CLMN: variants seen among roughly 807,000 people sequenced by gnomAD.
The protein encoded by CLMN is calmin, also known as calmin (calponin-like, transmembrane).
Under a neutral mutation model 92.7 loss-of-function variants are expected in CLMN, and 57 were observed. The ratio of observed to expected loss-of-function variants is 0.61; its 90% CI spans 0.50 to 0.77. The LOEUF is 0.77. Among genes scored for constraint, CLMN ranks in the 30% least tolerant of loss-of-function variants. CLMN has a pLI of 0.00. For synonymous variants in CLMN, 466 were observed against 470.6 expected (o/e 0.99, Z 0.13); for missense variants, 1,158 against 1,237.5 (o/e 0.94, Z 0.96).
At chr14:95,247,483 G>A (rs559221791) in intron 1 of CLMN, among the ~76,000 whole-genome samples, 2 of 152,186 alleles carry the variant, frequency 1.3e-5, no homozygotes, top group East Asian at 1.9e-4. Flanking sequence ...GCTGGTTGTC[G>A]GATCTCTGCT....
chr14:95,202,967 G>A lies in CLMN; in HGVS notation c.2382C>T (p.Ser794=), dbSNP rs369685023. 8.7e-6 allele frequency: 14 copies of A among 1,614,060 alleles called. No homozygotes were observed. Among genetic ancestry groups the A allele is most frequent in the African/African-American group, 2.7e-5 (2 of 75,038 alleles). ...CCCTGCTGAGATACAGCACCTGGTC[G>A]CTGGCACTGGGGAGGCTCTCTCCTG... ...SVPGESLPSA[S]DQVLYLSRGG... is the part of the protein sequence containing the mutation. The change falls in exon 9 of 13, where the codon AGC becomes AGT. Residue 794 remains serine, a synonymous_variant. Coordinates refer to ENST00000298912, the MANE Select transcript of CLMN (RefSeq NM_024734.4).
chr14:95,194,163 G>C lies in CLMN; in HGVS notation c.2770-244C>G. On this transcript the variant is annotated intron_variant, in intron 11 of 12. Transcript: ENST00000298912. The surrounding 1 kb of genome is among the most constrained non-coding windows in gnomAD (Gnocchi z 4.0). ...CCCGGAACCCGGATTGGGGTGTGCT[G>C]CTCCGGGTTCTAACACATCTGCTAC... 1 of 1,406,904 alleles carries C rather than the reference G, an allele frequency of 7.1e-7. No homozygotes were observed. 87.2% of individuals were successfully genotyped at this position (1,406,904 alleles called of 1,614,324 possible). A position where few individuals can be genotyped will look rare whatever the true frequency, so the allele number is the denominator to read the frequency against.
intron 1 of CLMN, among the ~76,000 whole-genome samples, chr14:95,255,373 A>T (rs1463459727): frequency 6.6e-6 from 1 of 152,184 alleles, no homozygotes; most frequent in Non-Finnish European, 1.5e-5. Flanking sequence ...TCTGAGAGAG[A>T]GGGTGAGAAC....
intron 1 of CLMN, among the ~76,000 whole-genome samples, chr14:95,236,457 G>A (rs1225700383): frequency 1.3e-5 from 2 of 152,204 alleles, no homozygotes; most frequent in African/African-American, 4.8e-5. Context: ...TGGCTCCCAG[G>A]GGACATCCCG....
chr14:95,237,307 T>C (rs149134706), intron 1 of CLMN, among the ~76,000 whole-genome samples: 19 of 152,302 alleles, frequency 1.2e-4, no homozygotes, highest in African/African-American at 4.3e-4. Flanking sequence ...TTTAGACAAG[T>C]AGACCCGGCA....
At chr14:95,219,802 C>CTA (rs1163571892) in intron 4 of CLMN, among the ~76,000 whole-genome samples, 1 of 152,140 alleles carries the variant, frequency 6.6e-6, no homozygotes, top group Non-Finnish European at 1.5e-5. Context: ...TTTTAATGAG[C>CTA]TATAACTCAC....
intron 1 of CLMN, among the ~76,000 whole-genome samples, 192 bp downstream of exon 1, chr14:95,319,515 TGTAA>T (rs1901948535): frequency 6.6e-6 from 1 of 152,102 alleles, no homozygotes; most frequent in Admixed American, 6.5e-5. Context: ...CCTGGGCAAC[TGTAA>T]ACCTGGCCGC....
intron 1 of CLMN, among the ~76,000 whole-genome samples, chr14:95,244,842 A>C (rs145347942): frequency 1.7e-3 from 251 of 151,892 alleles, no homozygotes; most frequent in African/African-American, 5.8e-3. Context: ...TCCCCTTCCA[A>C]TGGGGGCTGC....
At chr14:95,210,919 G>C in intron 6 of CLMN, 40 bp from the exon 7 acceptor site, 1 of 1,482,684 alleles carries the variant, frequency 6.7e-7, no homozygotes, top group Non-Finnish European at 8.9e-7. Flanking sequence ...ATGCTGGTTA[G>C]TAAACAGACT....
At chr14:95,280,614 TAA>T (rs1368888250) in intron 1 of CLMN, among the ~76,000 whole-genome samples, 3 of 152,200 alleles carry the variant, frequency 2.0e-5, no homozygotes, top group African/African-American at 4.8e-5. Context: ...AATTCTAAAT[TAA>T]GTCTTTTTCT....
Position 95,242,279 on chromosome 14 carries a change from G to A in CLMN, c.83-12146C>T, listed in dbSNP as rs548671008. On this transcript the variant is annotated intron_variant, in intron 1 of 12. Transcript: ENST00000298912. ...TTTTTTTTTTTTTTTTTTTTTTTGAGATGGAGTCAGGCTCTGTTGCCCAGG... is the reference window on the plus strand; with the variant it reads ...TTTTTTTTTTTTTTTTTTTTTTTGAAATGGAGTCAGGCTCTGTTGCCCAGG... Among the ~76,000 whole-genome samples the A allele has an allele frequency of 3.0e-3, 259 of 86,304 alleles. 1 individual carries two copies. Among genetic ancestry groups the A allele is most frequent in the African/African-American group, 9.4e-3 (238 of 25,270 alleles). 56.6% of individuals were successfully genotyped at this position (86,304 alleles called of 152,430 possible).
At chr14:95,216,327 G>A (rs1012203915) in intron 4 of CLMN, among the ~76,000 whole-genome samples, 8 of 152,206 alleles carry the variant, frequency 5.3e-5, no homozygotes, top group East Asian at 1.9e-4. Context: ...CCCACGACAC[G>A]TGGGAATTAT....
intron 1 of CLMN, among the ~76,000 whole-genome samples, chr14:95,263,406 A>G (rs1899337244): frequency 6.6e-6 from 1 of 152,160 alleles, no homozygotes; most frequent in Non-Finnish European, 1.5e-5. Flanking sequence ...ACTACAATTC[A>G]AGATGAGATC....
chr14:95,196,858 G>A (rs898680398), intron 9 of CLMN, among the ~76,000 whole-genome samples, 164 bp from the exon 10 acceptor site: 1 of 152,186 alleles, frequency 6.6e-6, no homozygotes, highest in Non-Finnish European at 1.5e-5. Flanking sequence ...GCCTGCATGA[G>A]AGACAAGTCC....
chr14:95,269,297 C>A (rs1338540280), intron 1 of CLMN, among the ~76,000 whole-genome samples: 1 of 152,126 alleles, frequency 6.6e-6, no homozygotes, highest in Non-Finnish European at 1.5e-5. Context: ...ATGATTTCTA[C>A]TGTGTTATAT....
At chr14:95,247,245 AG>A (rs1898608264) in intron 1 of CLMN, among the ~76,000 whole-genome samples, 1 of 152,250 alleles carries the variant, frequency 6.6e-6, no homozygotes, top group Non-Finnish European at 1.5e-5. Context: ...GCCACTGTGA[AG>A]GGATTTCACC....
chr14:95,252,959 G>A lies in CLMN; in HGVS notation c.83-22826C>T, dbSNP rs779586922. ...CTGAAGCCATGCCCTGGAATAAGCC[G>A]TAACTGTGAAGTATAACAGTGTTCA... On this transcript the variant is annotated intron_variant, in intron 1 of 12. Coordinates refer to ENST00000298912, the MANE Select transcript of CLMN (RefSeq NM_024734.4). Among the ~76,000 whole-genome samples, 12 of 152,276 alleles carry A rather than the reference G, an allele frequency of 7.9e-5. 1 individual carries two copies. The East Asian group carries it at 1.4e-3, about 17-fold the overall frequency.
intron 1 of CLMN, among the ~76,000 whole-genome samples, chr14:95,253,613 T>TTTG (rs1555391238): frequency 2.8e-5 from 4 of 143,754 alleles, no homozygotes; most frequent in Admixed American, 6.8e-5. Context: ...TTTTTTGTTT[T>TTTG]TTTGTTTTTT....
At position 95,209,443 on chromosome 14, in the gene CLMN, G is replaced by A; in HGVS notation, c.837C>T (p.Ile279=). 1 of 1,614,208 alleles carries A rather than the reference G, an allele frequency of 6.2e-7. No individual in the cohort carries two copies. The highest frequency in any genetic ancestry group is 8.5e-7 in the Non-Finnish European group (1 of 1,180,030). Residue 279 remains isoleucine (I), a synonymous_variant, in exon 8 of 13, where the codon ATC becomes ATT. Transcript: ENST00000298912. ...IMVDTPDEQS[I]MTYVAQFLER... ...CTAGAAACTGTGCCACGTAAGTCAT[G>A]ATAGACTGCTCGTCTGGTGTGTCAA...
Sources: allele counts gnomAD v4.1 joint callset (sites outside exome capture counted in the v4.1 genomes callset), GRCh38; gene constraint gnomAD v4.1.1; non-coding constraint Gnocchi (gnomAD v3.1); transcripts MANE v1.5; gene names NCBI Gene and HGNC (gene_info 2026-07-23, HGNC 2026-07-21).